Variants in PMFBP1 observed in about 807,000 individuals in gnomAD.
The protein encoded by PMFBP1 is polyamine modulated factor 1 binding protein 1.
Under a neutral mutation model 137.8 loss-of-function variants are expected in PMFBP1, and 131 were observed. That is an observed-to-expected ratio of 0.95 (90% CI 0.82 to 1.10). The LOEUF is 1.10. Among genes scored for constraint, PMFBP1 ranks in the 50% least tolerant of loss-of-function variants. The pLI is 0.00. For missense variants in PMFBP1, 1,199 were observed against 1,175.4 expected, an observed-to-expected ratio of 1.02 and a Z score of -0.29; for synonymous variants, 490 against 450.4, an observed-to-expected ratio of 1.09 and a Z score of -1.11.
upstream of PMFBP1, among the ~76,000 whole-genome samples, chr16:72,180,253 C>T (rs780123991): frequency 2.0e-5 from 3 of 152,184 alleles, no homozygotes; most frequent in Non-Finnish European, 4.4e-5. Context: ...TGGGCCCTTC[C>T]TACATGGGAC....
chr16:72,120,217 C>T, intron 19 of PMFBP1, 128 bp from the exon 20 acceptor site: 1 of 1,448,382 alleles, frequency 6.9e-7, no homozygotes, highest in Non-Finnish European at 9.4e-7. Context: ...CAGAGCCGGC[C>T]TGTTACACAT....
intron 2 of PMFBP1, among the ~76,000 whole-genome samples, chr16:72,166,359 C>G (rs961788299): frequency 3.9e-5 from 6 of 152,160 alleles, no homozygotes; most frequent in Non-Finnish European, 7.4e-5. Flanking sequence ...CTTGCTTCCC[C>G]TTTGCCTTCC....
chr16:72,122,859 C>G, intron 19 of PMFBP1, 55 bp downstream of exon 19: 2 of 1,540,102 alleles, frequency 1.3e-6, no homozygotes, highest in Non-Finnish European at 1.8e-6. Context: ...TGGCTCCCTG[C>G]TGACCCTTCT....
At chr16:72,190,807 A>G in the PMFBP1 span, among the ~76,000 whole-genome samples, 1 of 152,228 alleles carries the variant, frequency 6.6e-6, no homozygotes, top group Non-Finnish European at 1.5e-5. Flanking sequence ...GCAGTGAAGC[A>G]TAACATTAAC....
intron 3 of PMFBP1, among the ~76,000 whole-genome samples, chr16:72,161,487 G>T (rs1207231808): frequency 6.6e-6 from 1 of 152,066 alleles, no homozygotes; most frequent in Non-Finnish European, 1.5e-5. Flanking sequence ...TAAGTGACAT[G>T]AATTAATTTT....
intron 4 of PMFBP1, among the ~76,000 whole-genome samples, chr16:72,151,938 G>A (rs1184439147): frequency 1.3e-5 from 2 of 152,160 alleles, no homozygotes; most frequent in Non-Finnish European, 2.9e-5. Flanking sequence ...AACGCCCTCA[G>A]GAGCAGCCCT....
chr16:72,231,693 C>T, the PMFBP1 span, among the ~76,000 whole-genome samples: 3 of 152,056 alleles, frequency 2.0e-5, no homozygotes, highest in South Asian at 6.2e-4. Flanking sequence ...ATATAAAATA[C>T]AAGGCCTGTA....
At chr16:72,120,800 G>A (rs2042366558) in intron 19 of PMFBP1, among the ~76,000 whole-genome samples, 1 of 152,176 alleles carries the variant, frequency 6.6e-6, no homozygotes, top group South Asian at 2.1e-4. Context: ...TTGTGACTCT[G>A]CCACTTATTA....
At chr16:72,226,796 C>CT in the PMFBP1 span, among the ~76,000 whole-genome samples, 352 of 152,220 alleles carry the variant, frequency 2.3e-3, 3 homozygotes, top group African/African-American at 7.9e-3. Flanking sequence ...TCAGTCTCGC[C>CT]ACAACATGTC....
chr16:72,152,071 C>T lies in PMFBP1; in HGVS notation c.415-1242G>A, dbSNP rs373763158. On this transcript the variant is annotated intron_variant, in intron 4 of 20. Transcript: ENST00000237353. ...AATACCAGTGTCCTTTATGGGCTTC[C>T]GGTCCTTCTTTGACTCACTTGCTCA... is the stretch of plus-strand genomic sequence containing the variant. Among the ~76,000 whole-genome samples the T allele has an allele frequency of 2.4e-4, 36 of 152,268 alleles. 2 individuals are homozygous for T. Among genetic ancestry groups the T allele is most frequent in the Admixed American group, 1.0e-3 (16 of 15,294 alleles).
At chr16:72,174,385 T>C (rs909298138), upstream of PMFBP1, among the ~76,000 whole-genome samples, 2 of 152,200 alleles carry the variant, frequency 1.3e-5, no homozygotes, top group African/African-American at 4.8e-5. Flanking sequence ...TCACAGTTCA[T>C]GATTCTCTCA....
chr16:72,204,190 A>ATT, the PMFBP1 span, among the ~76,000 whole-genome samples: 9,515 of 140,176 alleles, frequency 0.068, 433 homozygotes, highest in Non-Finnish European at 0.1. Context: ...ACTCATGCGC[A>ATT]TTTTTTTTTT....
intron 7 of PMFBP1, among the ~76,000 whole-genome samples, chr16:72,138,213 T>C (rs560493587): frequency 4.7e-4 from 71 of 152,312 alleles, no homozygotes; most frequent in African/African-American, 1.5e-3. Flanking sequence ...AAGTTCAATA[T>C]TGATCCCTTG....
Position 72,164,778 on chromosome 16 carries a change from T to C in PMFBP1, c.151A>G (p.Met51Val), listed in dbSNP as rs748716914. 1.3e-6 allele frequency: 2 copies of C among 1,593,116 alleles called. No individual in the cohort carries two copies. Among genetic ancestry groups the C allele is most frequent in the African/African-American group, 2.7e-5 (2 of 74,524 alleles). Residue 51 changes from methionine to valine, a missense_variant, in exon 3 of 21, where the codon ATG becomes GTG. By Grantham distance (21) the Met-to-Val change is conservative. Coordinates refer to ENST00000237353, the MANE Select transcript of PMFBP1 (RefSeq NM_031293.3). ...QDNQLCMEEA[M>V]NSSHDKKQAQ... ...AAGTCCCTTACGTGGCTGCTGTTCA[T>C]TGCCTCCTCCATGCAGAGCTGATTG...
At chr16:72,186,285 A>G in the PMFBP1 span, among the ~76,000 whole-genome samples, 1 of 152,210 alleles carries the variant, frequency 6.6e-6, no homozygotes, top group Non-Finnish European at 1.5e-5. Context: ...TTGAAGTTGC[A>G]GTATGTTCCA....
At chr16:72,121,584 G>A (rs779982379) in intron 19 of PMFBP1, among the ~76,000 whole-genome samples, 5 of 152,354 alleles carry the variant, frequency 3.3e-5, no homozygotes, top group Non-Finnish European at 7.3e-5. Flanking sequence ...GGCAGCCACT[G>A]CTTGGTCAGC....
chr16:72,132,982 C>T lies in PMFBP1; in HGVS notation c.1213G>A (p.Glu405Lys), dbSNP rs1416267077. The change falls in exon 10 of 21, where the codon GAG (glutamate) becomes AAG (lysine). Residue 405 changes from glutamate to lysine, a missense_variant. Glu to Lys is a moderately conservative substitution (Grantham distance 56). Transcript: ENST00000237353. ...AGCTCTTGCAGCATCTCATCTTTCT[C>T]TTGGAGGAACTGAAGACAGCAAAAT... ...LTLKKDKFLQ[E>K]KDEMLQELEK... 3 of 1,613,964 alleles carry T rather than the reference C, an allele frequency of 1.9e-6. No individual in the cohort carries two copies. In the Admixed American group the frequency reaches 5.0e-5, roughly 27 times the overall value.
intron 5 of PMFBP1, among the ~76,000 whole-genome samples, chr16:72,145,192 C>G (rs139498158): frequency 6.6e-6 from 1 of 152,316 alleles, no homozygotes; most frequent in African/African-American, 2.4e-5. Context: ...TCTCAGACCA[C>G]AGTGAAATCA....
the PMFBP1 span, among the ~76,000 whole-genome samples, chr16:72,221,930 A>T: frequency 6.6e-6 from 1 of 152,204 alleles, no homozygotes; most frequent in Non-Finnish European, 1.5e-5. Context: ...TCTTCCCTGT[A>T]TCTCTCACTT....
Sources: gnomAD v4.1 joint callset for allele counts (sites outside exome capture counted in the v4.1 genomes callset) on GRCh38, gnomAD v4.1.1 for gene constraint, MANE v1.5 for transcripts, NCBI Gene and HGNC (gene_info 2026-07-23, HGNC 2026-07-21) for gene names.